The following DOCK1 variants were observed in gnomAD, a reference collection of about 807,000 sequenced individuals.
The protein encoded by DOCK1 is dedicator of cytokinesis 1, also known as dedicator of cytokinesis protein 1.
Under a neutral mutation model 262.7 loss-of-function variants are expected in DOCK1, and 138 were observed. That is an observed-to-expected ratio of 0.53 (90% confidence interval 0.46 to 0.61). The LOEUF (loss-of-function observed/expected upper bound fraction) is 0.61, where lower values mean the gene tolerates loss of function less well. Ranked by LOEUF, DOCK1 falls within the 20% of genes least tolerant of loss-of-function variation. The pLI is 0.00. For synonymous variants in DOCK1, 866 were observed against 867.4 expected, an observed-to-expected ratio of 1.00 and a Z score of 0.03; for missense variants, 1,908 against 2,370.7, an observed-to-expected ratio of 0.80 and a Z score of 4.05.
At chr10:126,916,705 C>T (rs991591830) in intron 1 of DOCK1, among the ~76,000 whole-genome samples, 3 of 151,908 alleles carry the variant, frequency 2.0e-5, no homozygotes, top group African/African-American at 7.3e-5. Context: ...TTCCTCCCCT[C>T]CTTCCTTCTA....
chr10:127,262,547 A>C (rs557336569), intron 29 of DOCK1, among the ~76,000 whole-genome samples: 10 of 151,904 alleles, frequency 6.6e-5, no homozygotes, highest in Middle Eastern at 3.4e-3. Flanking sequence ...AAACAACATG[A>C]ATGTTTAGAA....
intron 1 of DOCK1, among the ~76,000 whole-genome samples, chr10:126,935,340 C>T (rs1282671560): frequency 3.3e-5 from 5 of 152,262 alleles, no homozygotes; most frequent in South Asian, 2.1e-4. Context: ...GCAGTAGGGC[C>T]GGAAGTTGGA....
intron 6 of DOCK1, among the ~76,000 whole-genome samples, chr10:126,993,261 C>G (rs879709831): frequency 2.0e-5 from 3 of 152,252 alleles, no homozygotes; most frequent in Non-Finnish European, 2.9e-5. Context: ...GTAGGACCTA[C>G]TGGCTGGGCC....
At chr10:127,000,426 G>T in intron 10 of DOCK1, 119 bp downstream of exon 10, 1 of 1,378,968 alleles carries the variant, frequency 7.3e-7, no homozygotes, top group Non-Finnish European at 9.6e-7. Context: ...TTTTCTGCTG[G>T]AGAGAAAAAA....
intron 23 of DOCK1, among the ~76,000 whole-genome samples, chr10:127,098,256 C>T (rs537332289): frequency 1.3e-5 from 2 of 152,230 alleles, no homozygotes; most frequent in African/African-American, 4.8e-5. Flanking sequence ...TCAATGTCCT[C>T]AATTTCTATC....
chr10:126,987,997 A>G (rs945350243), intron 5 of DOCK1: 3 of 148,308 alleles, frequency 2.0e-5, no homozygotes, highest in African/African-American at 5.2e-5. Flanking sequence ...GTAGAGGGCA[A>G]TTACTATTTT....
intron 29 of DOCK1, among the ~76,000 whole-genome samples, 164 bp from the exon 30 acceptor site, chr10:127,338,842 A>G (rs183679759): frequency 9.1e-4 from 139 of 152,292 alleles, no homozygotes; most frequent in African/African-American, 3.2e-3. Context: ...GAACATCTGC[A>G]TATAATTCCG....
chr10:127,066,323 G>A (rs918133843), intron 23 of DOCK1, among the ~76,000 whole-genome samples: 4 of 152,030 alleles, frequency 2.6e-5, no homozygotes, highest in East Asian at 1.9e-4. Flanking sequence ...GGCTTGCTAG[G>A]TCCCCAGTTC....
intron 29 of DOCK1, among the ~76,000 whole-genome samples, chr10:127,277,108 A>G (rs1291581884): frequency 6.6e-6 from 1 of 152,194 alleles, no homozygotes; most frequent in African/African-American, 2.4e-5. Flanking sequence ...CTGAACTGGT[A>G]AACGCTCAGT....
intron 1 of DOCK1, among the ~76,000 whole-genome samples, chr10:126,963,878 A>C (rs956774022): frequency 6.6e-6 from 1 of 152,076 alleles, no homozygotes; most frequent in Non-Finnish European, 1.5e-5. Flanking sequence ...AGCCTAAGGC[A>C]TTTGCCCCCA....
intron 21 of DOCK1, among the ~76,000 whole-genome samples, chr10:127,043,946 C>A (rs956589938): frequency 5.9e-5 from 9 of 151,952 alleles, no homozygotes; most frequent in Non-Finnish European, 1.0e-4. Context: ...TAATCCCTGG[C>A]ACTTAGAAAG....
At chr10:127,290,139 T>G (rs2061300000) in intron 29 of DOCK1, among the ~76,000 whole-genome samples, 1 of 152,294 alleles carries the variant, frequency 6.6e-6, no homozygotes, top group South Asian at 2.1e-4. Context: ...TTGAGTTTTT[T>G]GGGAAGAAGT....
At chr10:127,026,529 A>G (rs928018361) in intron 16 of DOCK1, 105 bp downstream of exon 16, 8 of 1,013,984 alleles carry the variant, frequency 7.9e-6, no homozygotes, top group East Asian at 2.6e-5. Context: ...TCATAACACA[A>G]TAAGGCTCAT....
At chr10:126,963,665 T>G (rs1390477024) in intron 1 of DOCK1, among the ~76,000 whole-genome samples, 1 of 128,430 alleles carries the variant, frequency 7.8e-6, no homozygotes, top group Admixed American at 9.1e-5. Flanking sequence ...CTTCCTTCCT[T>G]CCTTCCTCCC....
At chr10:127,165,752 C>T (rs755450416) in intron 27 of DOCK1, among the ~76,000 whole-genome samples, 2 of 152,110 alleles carry the variant, frequency 1.3e-5, no homozygotes, top group Admixed American at 6.5e-5. Context: ...CAAGGAGAGA[C>T]GTTGCATCCT....
chr10:127,323,368 G>A lies in DOCK1; in HGVS notation c.3045-15638G>A, dbSNP rs145815061. On this transcript the variant is annotated intron_variant, in intron 29 of 51. Coordinates refer to ENST00000623213, the MANE Select transcript of DOCK1 (RefSeq NM_001290223.2). Reference sequence around the variant, plus strand: ...CAGATATGTCCTGTCCGGTGGGGACGTCTCTCCTGTGTATATTTTTGGTGG... The same window carrying A: ...CAGATATGTCCTGTCCGGTGGGGACATCTCTCCTGTGTATATTTTTGGTGG... 6.9e-3 allele frequency among the ~76,000 whole-genome samples: 1,056 copies of A among 152,230 alleles called. 16 individuals are homozygous for A. The highest frequency in any genetic ancestry group is 0.027 in the Middle Eastern group (8 of 294).
chr10:127,226,304 G>C (rs550143045), intron 27 of DOCK1, among the ~76,000 whole-genome samples: 1 of 152,166 alleles, frequency 6.6e-6, no homozygotes, highest in East Asian at 1.9e-4. Flanking sequence ...CTATCTACAG[G>C]TATTTCTTGG....
chr10:127,430,638 A>G (rs1483350610), intron 47 of DOCK1, among the ~76,000 whole-genome samples: 2 of 139,840 alleles, frequency 1.4e-5, no homozygotes, highest in East Asian at 2.2e-4. Context: ...GCTCTCTCCA[A>G]AGGAAAATGT....
chr10:127,214,254 T>G (rs1307083950), intron 27 of DOCK1, among the ~76,000 whole-genome samples: 1 of 152,128 alleles, frequency 6.6e-6, no homozygotes, highest in Non-Finnish European at 1.5e-5. Flanking sequence ...CCCGCTCCAG[T>G]CCCTGAGTAG....
Sources: allele counts gnomAD v4.1 joint callset (sites outside exome capture counted in the v4.1 genomes callset), GRCh38; gene constraint gnomAD v4.1.1; transcripts MANE v1.5; gene names NCBI Gene and HGNC (gene_info 2026-07-23, HGNC 2026-07-21).